The following FBXO17 variants were observed in gnomAD, a reference collection of about 807,000 sequenced individuals.
The protein encoded by FBXO17 is F-box only protein 17.
Under a neutral mutation model 34.1 loss-of-function variants are expected in FBXO17, and 43 were observed. The observed-to-expected ratio is 1.26, with a 90% confidence interval of 0.99 to 1.62. The LOEUF (loss-of-function observed/expected upper bound fraction) is 1.62. FBXO17 is among the 40% of genes most tolerant of loss of function. The pLI, the probability that FBXO17 is intolerant of heterozygous loss-of-function variation, is 0.00. For missense variants in FBXO17, 424 were observed against 386.7 expected, an observed-to-expected ratio of 1.10 and a Z score of -0.81; for synonymous variants, 169 against 166.0, an observed-to-expected ratio of 1.02 and a Z score of -0.14.
chr19:38,954,916 A>C (rs1225797616), intron 1 of FBXO17, among the ~76,000 whole-genome samples: 1 of 127,816 alleles, frequency 7.8e-6, no homozygotes, highest in African/African-American at 3.4e-5. Context: ...TATTATTATT[A>C]TTATTATTAT....
At chr19:38,949,828 G>A (rs1355776254) in intron 2 of FBXO17, 143 bp downstream of exon 2, 29 of 1,051,452 alleles carry the variant, frequency 2.8e-5, no homozygotes, top group Non-Finnish European at 3.7e-5. Context: ...CTACCGCCCA[G>A]GCACTGCGTC....
chr19:38,974,492 TTA>T (rs1044630210), intron 1 of FBXO17, among the ~76,000 whole-genome samples: 3 of 152,086 alleles, frequency 2.0e-5, no homozygotes, highest in African/African-American at 7.2e-5. Context: ...AAAAATTATT[TTA>T]TGTTAGAAAA....
At chr19:38,964,590 A>G (rs895164538) in intron 1 of FBXO17, among the ~76,000 whole-genome samples, 2 of 152,084 alleles carry the variant, frequency 1.3e-5, no homozygotes, top group Non-Finnish European at 2.9e-5. Flanking sequence ...GCAACATAGC[A>G]AGACCTCCAT....
intron 1 of FBXO17, among the ~76,000 whole-genome samples, chr19:38,973,776 G>A (rs1975421002): frequency 6.6e-6 from 1 of 151,888 alleles, no homozygotes; most frequent in South Asian, 2.1e-4. Flanking sequence ...CCAGGAGTTC[G>A]AGACCAGCCT....
chr19:38,973,562 A>AT (rs11414502), intron 1 of FBXO17, among the ~76,000 whole-genome samples: 51,084 of 152,086 alleles, frequency 0.34, 8,947 homozygotes, highest in South Asian at 0.49. Context: ...AAGAGATTAC[A>AT]TACTTTTATT....
chr19:38,961,684 C>T (rs1057161658), intron 1 of FBXO17, among the ~76,000 whole-genome samples: 1 of 150,740 alleles, frequency 6.6e-6, no homozygotes, highest in African/African-American at 2.4e-5. Flanking sequence ...GTTTTTGAGA[C>T]GTAGTATTGC....
At chr19:38,946,766 C>T in intron 3 of FBXO17, 199 bp from the exon 4 acceptor site, 1 of 710,852 alleles carries the variant, frequency 1.4e-6, no homozygotes, top group Admixed American at 3.0e-5. Context: ...ATTCTCCACC[C>T]TGCTGCGGGC....
In FBXO17 at chr19:38,950,145, A is replaced by C; in HGVS notation, c.175T>G (p.Trp59Gly). 2 of 1,563,950 alleles carry C rather than the reference A, an allele frequency of 1.3e-6. No homozygotes were observed. Among genetic ancestry groups the C allele is most frequent in the South Asian group, 2.3e-5 (2 of 85,804 alleles). The stretch of plus-strand genomic sequence containing the variant: ...CGGTCGCGGGCCAGCTGCAGCAGCC[A>C]CACAGTGGGCCCGTCCACTATGTCG... ...WRDIVDGPTV[W>G]LLQLARDRSA... is the part of the protein sequence containing the mutation. The change falls in exon 2 of 6, where the codon TGG becomes GGG. Residue 59 changes from tryptophan to glycine, a missense_variant. Physicochemically the swap from Trp to Gly is radical, Grantham distance 184. Coordinates refer to ENST00000292852, the MANE Select transcript of FBXO17 (RefSeq NM_024907.7).
In FBXO17 at chr19:38,945,223, T is replaced by C. The variant is rs918163447; in HGVS notation, c.558-119A>G. 2.2e-6 allele frequency: 3 copies of C among 1,356,476 alleles called. No homozygotes were observed. The African/African-American group carries it at 4.3e-5, about 20-fold the overall frequency. 84.0% of individuals were successfully genotyped at this position (1,356,476 alleles called of 1,614,324 possible). ...AGGTCCTGCACATCTGGACCACATT[T>C]GGAGACGTCCTGGCCTGGGAACCTC... On this transcript the variant is annotated intron_variant, in intron 4 of 5. Transcript: ENST00000292852.
At chr19:38,944,593 T>C (rs1392340330) in intron 5 of FBXO17, 2 of 195,408 alleles carry the variant, frequency 1.0e-5, no homozygotes, top group Non-Finnish European at 2.1e-5. Context: ...CAGCATAGTC[T>C]TGGTGCCAGA....
intron 1 of FBXO17, among the ~76,000 whole-genome samples, chr19:38,955,907 G>A (rs1409500971): frequency 6.6e-6 from 1 of 152,030 alleles, no homozygotes; most frequent in Non-Finnish European, 1.5e-5. Flanking sequence ...CTGTTGTGAG[G>A]ATGAAATGAG....
rs1463159303 is a variant in FBXO17 at position 38,942,866 on chromosome 19, G to C, written c.694-115C>G. 5 of 1,276,766 alleles carry C rather than the reference G, an allele frequency of 3.9e-6. No individual in the cohort carries two copies. In the East Asian group the frequency reaches 1.2e-4, roughly 29 times the overall value. 79.1% of individuals were successfully genotyped at this position (1,276,766 alleles called of 1,614,324 possible). A position where few individuals can be genotyped will look rare whatever the true frequency, so the allele number is the denominator to read the frequency against. On this transcript the variant is annotated intron_variant, in intron 5 of 5. Transcript: ENST00000292852. Reference sequence around the variant, plus strand: ...TGCCAGTCCTGCGCTAGTTTGCTGGGGACGGAGCAGTGAATAAAACCGGAA... The same window carrying C: ...TGCCAGTCCTGCGCTAGTTTGCTGGCGACGGAGCAGTGAATAAAACCGGAA...
At chr19:38,963,530 C>T (rs991858105) in intron 1 of FBXO17, among the ~76,000 whole-genome samples, 7 of 151,994 alleles carry the variant, frequency 4.6e-5, no homozygotes, top group African/African-American at 1.2e-4. Flanking sequence ...CTGGGCTCAG[C>T]GATCTTCCCA....
At chr19:38,971,806 A>G (rs765930303) in intron 1 of FBXO17, among the ~76,000 whole-genome samples, 4 of 151,994 alleles carry the variant, frequency 2.6e-5, no homozygotes, top group Non-Finnish European at 5.9e-5. Flanking sequence ...AAAAAAGAAG[A>G]AAAGAAAAAG....
chr19:38,945,349 G>A (rs1206198265), intron 4 of FBXO17: 7 of 561,336 alleles, frequency 1.2e-5, no homozygotes, highest in African/African-American at 3.9e-5. Flanking sequence ...GAGCCTGGGT[G>A]GTCCTGGGGT....
At chr19:38,949,705 T>C in intron 2 of FBXO17, 1 of 569,322 alleles carries the variant, frequency 1.8e-6, no homozygotes, top group Non-Finnish European at 3.1e-6. Flanking sequence ...CTGCATCCCC[T>C]CTGCATACCA....
At chr19:38,961,372 T>G (rs1007172979) in intron 1 of FBXO17, among the ~76,000 whole-genome samples, 2 of 150,086 alleles carry the variant, frequency 1.3e-5, no homozygotes, top group African/African-American at 4.9e-5. Context: ...TCCTCCCAAG[T>G]TCAAGCAATC....
intron 3 of FBXO17, 49 bp downstream of exon 3, chr19:38,948,518 T>C: frequency 6.7e-7 from 1 of 1,487,160 alleles, no homozygotes; most frequent in Non-Finnish European, 9.3e-7. Context: ...GGTCCCTTTC[T>C]TTGGGGCCTT....
At position 38,948,584 on chromosome 19, in the gene FBXO17, G is replaced by A; in HGVS notation, c.444C>T (p.Cys148=). ...TPVPGAPSQT[C]FVTSFEWCSK... is the part of the protein sequence containing the mutation. ...CCACTCACTCGAAAGAGGTCACGAAGCAGGTCTGCGAAGGAGCCCCAGGCA... is the reference window on the plus strand; with the variant it reads ...CCACTCACTCGAAAGAGGTCACGAAACAGGTCTGCGAAGGAGCCCCAGGCA... Residue 148 remains cysteine, a synonymous_variant, in exon 3 of 6, where the codon TGC becomes TGT. Transcript: ENST00000292852. 6.2e-7 allele frequency: 1 copy of A among 1,614,068 alleles called. No individual in the cohort carries two copies. The highest frequency in any genetic ancestry group is 2.2e-5 in the East Asian group (1 of 44,884).
Sources: allele counts gnomAD v4.1 joint callset (sites outside exome capture counted in the v4.1 genomes callset), GRCh38; gene constraint gnomAD v4.1.1; transcripts MANE v1.5; gene names NCBI Gene and HGNC (gene_info 2026-07-23, HGNC 2026-07-21).